The following AIRE variants were observed in gnomAD, a reference collection of about 807,000 sequenced individuals.
AIRE encodes autoimmune regulator, also known as autoimmune polyendocrinopathy candidiasis ectodermal dystrophy protein.
AIRE carries 52 observed loss-of-function variants against 62.1 expected under a neutral mutation model. The observed-to-expected ratio is 0.84, with a 90% CI of 0.67 to 1.06. The LOEUF (loss-of-function observed/expected upper bound fraction) is 1.06. AIRE is among the 50% of genes least tolerant of loss of function. The pLI is 0.00. For synonymous variants in AIRE, 342 were observed against 321.6 expected (o/e 1.06, Z -0.68); for missense variants, 774 against 755.8 (o/e 1.02, Z -0.28).
chr21:44,296,042 T>A (rs948920705), intron 12 of AIRE, among the ~76,000 whole-genome samples: 5 of 151,942 alleles, frequency 3.3e-5, no homozygotes, highest in Non-Finnish European at 7.4e-5. Flanking sequence ...GGGGCGGGGG[T>A]GGCATGGACC....
rs970283322 is a variant in AIRE, at chr21:44,291,342, G to C, written c.995+132G>C. ...AAAGGGGTTCTGAGTCAGGTCACTG[G>C]GCCGTGGGGCCGGGGCCTGGGGTTT... On this transcript the variant is annotated intron_variant, in intron 8 of 13. Coordinates refer to ENST00000291582, the MANE Select transcript of AIRE (RefSeq NM_000383.4). The C allele has an allele frequency of 2.8e-6, 4 of 1,409,644 alleles. No individual in the cohort carries two copies. The African/African-American group carries it at 5.7e-5, about 20-fold the overall frequency. 87.3% of individuals were successfully genotyped at this position (1,409,644 alleles called of 1,614,324 possible).
Position 44,293,781 on chromosome 21 carries a change from T to G in AIRE, c.1279-8T>G, listed in dbSNP as rs374358283. On this transcript the variant is annotated splice_region_variant and splice_polypyrimidine_tract_variant and intron_variant, in intron 10 of 13. Transcript: ENST00000291582. ...CCCCGCGTCACCCCGCGCTGTTGCC[T>G]CCCACAGAACCTGGCTCCTGGTGCG... The G allele has an allele frequency of 6.1e-5, 97 of 1,595,948 alleles. No individual in the cohort carries two copies. The highest frequency in any genetic ancestry group is 2.1e-4 in the Middle Eastern group (1 of 4,702).
Position 44,287,514 on chromosome 21 carries a change from C to G in AIRE, c.464-3C>G. On this transcript the variant is annotated splice_polypyrimidine_tract_variant and splice_region_variant and intron_variant, in intron 3 of 13. Transcript: ENST00000291582. This position sits in a 1 kb window ranked among gnomAD's most constrained non-coding sequence, Gnocchi z 4.3. Reference sequence around the variant, plus strand: ...CCAGGCTGCCCCCAGCTCCCCCATTCAGGCTCTCAACTGAAGGCCAAGCCC... The same window carrying G: ...CCAGGCTGCCCCCAGCTCCCCCATTGAGGCTCTCAACTGAAGGCCAAGCCC... 6.4e-7 allele frequency: 1 copy of G among 1,552,348 alleles called. No individual in the cohort carries two copies. Among genetic ancestry groups the G allele is most frequent in the Non-Finnish European group, 8.7e-7 (1 of 1,147,972 alleles).
At chr21:44,296,965 T>C (rs1226974855) in intron 13 of AIRE, among the ~76,000 whole-genome samples, 2 of 152,180 alleles carry the variant, frequency 1.3e-5, no homozygotes, top group Non-Finnish European at 2.9e-5. Context: ...GCCAAGAGGA[T>C]AAGCTCCTTC....
chr21:44,293,125 G>A lies in AIRE; in HGVS notation c.1228G>A (p.Asp410Asn). The A allele has an allele frequency of 6.3e-7, 1 of 1,597,430 alleles. No homozygotes were observed. Among genetic ancestry groups the A allele is most frequent in the Non-Finnish European group, 8.5e-7 (1 of 1,172,884 alleles). The change falls in exon 10 of 14, where the codon GAC (aspartate) becomes AAC (asparagine). Residue 410 changes from aspartate (D) to asparagine (N), a missense_variant. Asp to Asn is a conservative substitution (Grantham distance 23, BLOSUM62 1). This residue lies in a region of AIRE where 354 missense variants were observed against 296.1 expected (regional missense o/e 1.20). Coordinates refer to ENST00000291582, the MANE Select transcript of AIRE (RefSeq NM_000383.4). The part of the protein sequence containing the change: ...PPSAAPLPGL[D>N]SSALHPLLCV... ...TTCTGCAGCCCCGCTGCCAGGGCTGGACTCCTCGGCCCTGCACCCCCTACT... is the reference window on the plus strand; with the variant it reads ...TTCTGCAGCCCCGCTGCCAGGGCTGAACTCCTCGGCCCTGCACCCCCTACT...
At chr21:44,296,329 C>A in intron 12 of AIRE, 54 bp from the exon 13 acceptor site, 1 of 1,529,244 alleles carries the variant, frequency 6.5e-7, no homozygotes, top group African/African-American at 1.4e-5. Flanking sequence ...GGCCTCTGTA[C>A]CCCCACCAGG....
At position 44,295,240 on chromosome 21, in the gene AIRE, G is replaced by T. The variant is rs530135617; in HGVS notation, c.1503+737G>T. Among the ~76,000 whole-genome samples, 114 of 152,278 alleles carry T rather than the reference G, an allele frequency of 7.5e-4. 1 individual carries two copies. Among genetic ancestry groups the T allele is most frequent in the African/African-American group, 2.7e-3 (113 of 41,556 alleles). ...CATGCTCTTTCCCAGCTGTGCCTCC[G>T]CCCCGTATACACCGTGTGGGTGACA... On this transcript the variant is annotated intron_variant, in intron 12 of 13. Transcript: ENST00000291582.
Position 44,287,234 on chromosome 21 carries a change from TG to T in AIRE, c.463+105del. On this transcript the variant is annotated intron_variant, in intron 3 of 13. Transcript: ENST00000291582. This position sits in a 1 kb window ranked among gnomAD's most constrained non-coding sequence, Gnocchi z 4.3. The stretch of plus-strand genomic sequence containing the variant: ...CACCCGGGCTCCCACCCACTGGGTG[TG>T]GGGCCAGCCTGCCTGGGGCTGTGGG... 6.9e-7 allele frequency: 1 copy of T among 1,440,648 alleles called. No homozygotes were observed. The highest frequency in any genetic ancestry group is 1.9e-5 in the Admixed American group (1 of 53,684). 89.2% of individuals were successfully genotyped at this position (1,440,648 alleles called of 1,614,324 possible).
In AIRE at chr21:44,287,156, C is replaced by T. The variant is rs1302492244; in HGVS notation, c.463+23C>T. On this transcript the variant is annotated intron_variant, in intron 3 of 13. Transcript: ENST00000291582. The surrounding 1 kb of genome is among the most constrained non-coding windows in gnomAD (Gnocchi z 4.3). The stretch of plus-strand genomic sequence containing the variant: ...CAGGTACCCTCCCTGCAGGGGAAGC[C>T]AGCCAGGGTCTCCAGTCTTCCCGGG... 1.2e-6 allele frequency: 2 copies of T among 1,611,032 alleles called. No individual in the cohort carries two copies. Among genetic ancestry groups the T allele is most frequent in the East Asian group, 2.2e-5 (1 of 44,864 alleles).
At position 44,296,379 on chromosome 21, in the gene AIRE, C is replaced by T. The variant is rs1314268321; in HGVS notation, c.1504-4C>T. On this transcript the variant is annotated splice_polypyrimidine_tract_variant and splice_region_variant and intron_variant, in intron 12 of 13. Coordinates refer to ENST00000291582, the MANE Select transcript of AIRE (RefSeq NM_000383.4). ...GCTGACCTCTTCTCTTTACTGGGTT[C>T]CAGGATGACACTGCCAGTCACGAGC... The T allele has an allele frequency of 8.7e-6, 14 of 1,611,980 alleles. No homozygotes were observed. The highest frequency in any genetic ancestry group is 1.2e-5 in the Non-Finnish European group (14 of 1,179,458).
At position 44,296,328 on chromosome 21, in the gene AIRE, A is replaced by G. The variant is rs41277552; in HGVS notation, c.1504-55A>G. ...GGCCCCTAGGCCCTGCGGCCTCTGT[A>G]CCCCCACCAGGGCTGTGGGAGTTGG... is the stretch of plus-strand genomic sequence containing the variant. On this transcript the variant is annotated intron_variant, in intron 12 of 13. Coordinates refer to ENST00000291582, the MANE Select transcript of AIRE (RefSeq NM_000383.4). The G allele has an allele frequency of 0.021, 31,823 of 1,516,544 alleles. 399 individuals are homozygous for G. Among genetic ancestry groups the G allele is most frequent in the Middle Eastern group, 0.034 (200 of 5,902 alleles). The allele number at this position is 1,516,544 out of a possible 1,614,324, so 93.9% of individuals were successfully genotyped here. A position where few individuals can be genotyped will look rare whatever the true frequency, so the allele number is the denominator to read the frequency against.
At position 44,285,903 on chromosome 21, in the gene AIRE, G is replaced by A; in HGVS notation, c.-104G>A. On this transcript the variant is annotated 5_prime_UTR_variant, in exon 1 of 14. Coordinates refer to ENST00000291582, the MANE Select transcript of AIRE (RefSeq NM_000383.4). ...GGAGACGGGCGGGCGCACAGCCGGC[G>A]CGGAGGCCCCACAGCCCCGCCGGGA... The A allele has an allele frequency of 1.7e-6, 2 of 1,172,132 alleles. No individual in the cohort carries two copies. Among genetic ancestry groups the A allele is most frequent in the Admixed American group, 3.6e-5 (1 of 28,048 alleles). The allele number at this position is 1,172,132 out of a possible 1,614,324, so 72.6% of individuals were successfully genotyped here.
In AIRE at chr21:44,292,833, A is replaced by G. The variant is rs572307574; in HGVS notation, c.1096-160A>G. 2.0e-5 allele frequency among the ~76,000 whole-genome samples: 3 copies of G among 150,698 alleles called. No homozygotes were observed. In the South Asian group the frequency reaches 6.4e-4, roughly 32 times the overall value. ...GGAAGTGCCACAGCCTTTCCCACTC[A>G]GTGTGGACGCCTTCCACCATGCCAG... On this transcript the variant is annotated intron_variant, in intron 9 of 13. Coordinates refer to ENST00000291582, the MANE Select transcript of AIRE (RefSeq NM_000383.4).
chr21:44,289,591 CTACACGACTG>C, intron 5 of AIRE, 56 bp from the exon 6 acceptor site: 1 of 1,605,592 alleles, frequency 6.2e-7, no homozygotes. Flanking sequence ...ACCCTGGGGC[CTACACGACTG>C]CCAAGGCAGG....
intron 4 of AIRE, among the ~76,000 whole-genome samples, chr21:44,288,132 G>A (rs562919523): frequency 2.6e-4 from 39 of 152,212 alleles, no homozygotes; most frequent in African/African-American, 8.9e-4. Flanking sequence ...CCCAGCACAC[G>A]CACACTTGGG....
intron 12 of AIRE, 52 bp downstream of exon 12, chr21:44,294,555 C>T: frequency 8.9e-7 from 1 of 1,118,400 alleles, no homozygotes; most frequent in African/African-American, 1.6e-5. Context: ...GTGGGGAACC[C>T]CTTGGGTTGG....
rs1329110458 is a variant in AIRE, at chr21:44,286,294, C to A, written c.132+156C>A. Among the ~76,000 whole-genome samples, 3 of 151,428 alleles carry A rather than the reference C, an allele frequency of 2.0e-5. No individual in the cohort carries two copies. The highest frequency in any genetic ancestry group is 6.6e-5 in the Admixed American group (1 of 15,204). On this transcript the variant is annotated intron_variant, in intron 1 of 13. Transcript: ENST00000291582. This position sits in a 1 kb window ranked among gnomAD's most constrained non-coding sequence, Gnocchi z 6.0. The stretch of plus-strand genomic sequence containing the variant: ...AAGGAGCCAGGGGCGTCCCTGATGA[C>A]AAGTTAGAAGTTGGTCCCCTTCCCC...
At position 44,293,922 on chromosome 21, in the gene AIRE, T is replaced by C. The variant is rs563869880; in HGVS notation, c.1400+12T>C. Reference sequence around the variant, plus strand: ...ACCTCCCGGCCCGGGTGAGTGAGCGTGGTCGGCGGGGAGGCCTGAACCCAC... The same window carrying C: ...ACCTCCCGGCCCGGGTGAGTGAGCGCGGTCGGCGGGGAGGCCTGAACCCAC... On this transcript the variant is annotated intron_variant, in intron 11 of 13. Coordinates refer to ENST00000291582, the MANE Select transcript of AIRE (RefSeq NM_000383.4). 1 of 1,596,006 alleles carries C rather than the reference T, an allele frequency of 6.3e-7. No individual in the cohort carries two copies. Among genetic ancestry groups the C allele is most frequent in the African/African-American group, 1.3e-5 (1 of 74,792 alleles).
chr21:44,286,101 T>A lies in AIRE; in HGVS notation c.95T>A (p.Leu32Gln). 6.5e-7 allele frequency: 1 copy of A among 1,546,960 alleles called. No homozygotes were observed. Among genetic ancestry groups the A allele is most frequent in the Non-Finnish European group, 8.7e-7 (1 of 1,146,592 alleles). The change falls in exon 1 of 14, where the codon CTG becomes CAG. Residue 32 changes from leucine to glutamine, a missense_variant. Physicochemically the swap from Leu to Gln is moderately radical, Grantham distance 113 (BLOSUM62 -2). This residue lies in a region of AIRE where 385 missense variants were observed against 396.0 expected (regional missense o/e 0.97). Coordinates refer to ENST00000291582, the MANE Select transcript of AIRE (RefSeq NM_000383.4). This position sits in a 1 kb window ranked among gnomAD's most constrained non-coding sequence, Gnocchi z 6.0. ...AGCGCCTTCCCACTGCTGCACGCGC[T>A]GGCTGACCACGACGTGGTCCCCGAG... ...VDSAFPLLHALADHDVVPEDK... is the reference protein window; with the variant it reads ...VDSAFPLLHAQADHDVVPEDK...
Sources: gnomAD v4.1 joint callset for allele counts (sites outside exome capture counted in the v4.1 genomes callset) on GRCh38, gnomAD v4.1.1 for gene constraint, gnomAD v4.1.1 regional missense constraint, Gnocchi (gnomAD v3.1) non-coding constraint, MANE v1.5 for transcripts, NCBI Gene and HGNC (gene_info 2026-07-23, HGNC 2026-07-21) for gene names.